Variants in KRIT1 observed in about 807,000 individuals in gnomAD.
KRIT1 encodes KRIT1 ankyrin repeat containing.
Under a neutral mutation model 95.8 loss-of-function variants are expected in KRIT1, and 45 were observed. That is an observed-to-expected ratio of 0.47 (90% CI 0.37 to 0.60). The LOEUF (loss-of-function observed/expected upper bound fraction) is 0.60. Among genes scored for constraint, KRIT1 ranks in the 20% least tolerant of loss-of-function variants. The pLI is 0.00. For synonymous variants in KRIT1, 282 were observed against 278.8 expected, an observed-to-expected ratio of 1.01 and a Z score of -0.11; for missense variants, 788 against 877.5, an observed-to-expected ratio of 0.90 and a Z score of 1.29.
At chr7:92,245,918 A>G (rs966529097), upstream of KRIT1, 29 of 232,048 alleles carry the variant, frequency 1.2e-4, no homozygotes, top group Non-Finnish European at 1.7e-4. Context: ...TGGCTATGAA[A>G]TCGCTTCCGG....
chr7:92,226,695 A>C lies in KRIT1; in HGVS notation c.990-13T>G, dbSNP rs1563279452. ...AACTTTTCCATACCTGTATAAAAAA[A>C]CAAACAAACAAAAAACAACAACAAA... is the stretch of plus-strand genomic sequence containing the variant. On this transcript the variant is annotated splice_polypyrimidine_tract_variant and intron_variant, in intron 10 of 18. Transcript: ENST00000394505. 15 of 1,610,962 alleles carry C rather than the reference A, an allele frequency of 9.3e-6. No homozygotes were observed. Among genetic ancestry groups the C allele is most frequent in the Non-Finnish European group, 1.3e-5 (15 of 1,178,370 alleles).
Position 92,234,889 on chromosome 7 carries a change from A to G in KRIT1, c.764T>C (p.Leu255Pro). 2 of 1,596,868 alleles carry G rather than the reference A, an allele frequency of 1.3e-6. No homozygotes were observed. Among genetic ancestry groups the G allele is most frequent in the Non-Finnish European group, 1.7e-6 (2 of 1,164,318 alleles). The change falls in exon 9 of 19, where the codon CTA (leucine) becomes CCA (proline). Residue 255 changes from leucine to proline, a missense_variant. Leu to Pro is a moderately conservative substitution (Grantham distance 98, BLOSUM62 -3). This residue lies in a region of KRIT1 where 493 missense variants were observed against 582.3 expected (regional missense o/e 0.85). Coordinates refer to ENST00000394505, the MANE Select transcript of KRIT1 (RefSeq NM_194454.3). ...DKVVINPYFGLGAPDYSKIQI... is the reference protein window; with the variant it reads ...DKVVINPYFGPGAPDYSKIQI... ...GATTTTTGAGTAGTCTGGAGCTCCTAGACCAAAGTATGGATTTATTACCAC... is the reference window on the plus strand; with the variant it reads ...GATTTTTGAGTAGTCTGGAGCTCCTGGACCAAAGTATGGATTTATTACCAC...
intron 6 of KRIT1, among the ~76,000 whole-genome samples, chr7:92,236,953 T>A (rs894018797): frequency 1.3e-5 from 2 of 152,190 alleles, no homozygotes; most frequent in Non-Finnish European, 2.9e-5. Flanking sequence ...GTGATTAATA[T>A]AGTATATCAT....
rs1798980573 is a variant in KRIT1, at chr7:92,238,891, T to C, written c.263-1132A>G. Among the ~76,000 whole-genome samples the C allele has an allele frequency of 2.6e-5, 4 of 152,262 alleles. No homozygotes were observed. The South Asian group carries it at 8.3e-4, about 32-fold the overall frequency. ...AATCACTACCTATCGACAGGACCAA[T>C]TTAAGAGTTTCATGTATAAGTGTGA... is the stretch of plus-strand genomic sequence containing the variant. On this transcript the variant is annotated intron_variant, in intron 5 of 18. Transcript: ENST00000394505.
In KRIT1 at chr7:92,213,386, C is replaced by T; in HGVS notation, c.1834G>A (p.Glu612Lys). ...LHEYKNLSTS[E>K]GVSKEMHHLQ... Reference sequence around the variant, plus strand: ...TGATGCATTTCTTTACTGACACCTTCACTTGTACTGAGATTCTAAAAACAA... The same window carrying T: ...TGATGCATTTCTTTACTGACACCTTTACTTGTACTGAGATTCTAAAAACAA... The change falls in exon 17 of 19, where the codon GAA becomes AAA. Residue 612 changes from glutamate to lysine, a missense_variant. By Grantham distance (56) the Glu-to-Lys change is moderately conservative. Transcript: ENST00000394505. 2 of 1,608,648 alleles carry T rather than the reference C, an allele frequency of 1.2e-6. No individual in the cohort carries two copies. The highest frequency in any genetic ancestry group is 2.7e-5 in the African/African-American group (2 of 74,894).
chr7:92,244,623 T>C (rs1220657277), intron 2 of KRIT1, among the ~76,000 whole-genome samples: 3 of 152,048 alleles, frequency 2.0e-5, no homozygotes, highest in African/African-American at 2.4e-5. Flanking sequence ...GTAACTAACA[T>C]AGGAAGGTAA....
intron 10 of KRIT1, among the ~76,000 whole-genome samples, chr7:92,230,160 T>C (rs1403966389): frequency 6.6e-6 from 1 of 152,152 alleles, no homozygotes; most frequent in Non-Finnish European, 1.5e-5. Flanking sequence ...AATATAATCA[T>C]AGAAATTTAT....
Position 92,236,425 on chromosome 7 carries a change from A to G in KRIT1, c.473T>C (p.Ile158Thr). The G allele has an allele frequency of 6.2e-7, 1 of 1,600,128 alleles. No individual in the cohort carries two copies. ...HFATLTARML[I>T]ALDKWLDERH... is the part of the protein sequence containing the mutation. ...CGGCATTTCTTACTTATCCAAGGCT[A>G]TTAACATCCTTGCTGTAAGTGTAGC... is the stretch of plus-strand genomic sequence containing the variant. The change falls in exon 7 of 19, where the codon ATA becomes ACA. Residue 158 changes from isoleucine to threonine, a missense_variant. By Grantham distance (89) the Ile-to-Thr change is moderately conservative. This residue lies in a region of KRIT1 where 289 missense variants were observed against 277.5 expected (regional missense o/e 1.04). Transcript: ENST00000394505.
intron 10 of KRIT1, among the ~76,000 whole-genome samples, chr7:92,233,700 T>C (rs1797816477): frequency 6.6e-6 from 1 of 152,084 alleles, no homozygotes; most frequent in South Asian, 2.1e-4. Flanking sequence ...CCACTGCACC[T>C]GGCCGGTACC....
intron 12 of KRIT1, among the ~76,000 whole-genome samples, chr7:92,223,394 G>C (rs1795560593): frequency 6.8e-6 from 1 of 147,072 alleles, no homozygotes; most frequent in Non-Finnish European, 1.5e-5. Flanking sequence ...AGTGAGCTGA[G>C]ATTGCGCGAC....
rs754979248 is a variant in KRIT1 at position 92,241,104 on chromosome 7, T to A, written c.151A>T (p.Lys51Ter). The stretch of plus-strand genomic sequence containing the variant: ...TGAAGTTTCGTTTCCAATAAAACTT[T>A]CTTTCTCTTTTTTTTCTGTCCTTCA... ...PIEGQKKKRKKVLLETKLQGN... is the reference protein window; with the variant it reads ...PIEGQKKKRK Residue 51 changes from lysine (K) to a stop codon, truncating the protein, a stop_gained, in exon 5 of 19, where the codon AAA (lysine) becomes TAA (stop). Transcript: ENST00000394505. LOFTEE classifies it high-confidence loss of function. 1.9e-6 allele frequency: 3 copies of A among 1,611,264 alleles called. No individual in the cohort carries two copies. Among genetic ancestry groups the A allele is most frequent in the East Asian group, 4.5e-5 (2 of 44,852 alleles).
intron 10 of KRIT1, among the ~76,000 whole-genome samples, chr7:92,230,981 C>T (rs1052678251): frequency 1.3e-5 from 2 of 152,116 alleles, no homozygotes; most frequent in East Asian, 3.8e-4. Flanking sequence ...TACAGTGAAG[C>T]TCCAAGTGAA....
chr7:92,231,829 T>C (rs1408295907), intron 10 of KRIT1, among the ~76,000 whole-genome samples: 3 of 152,228 alleles, frequency 2.0e-5, no homozygotes, highest in South Asian at 2.1e-4. Flanking sequence ...TAAAACTCTT[T>C]TCCTTGGCAT....
chr7:92,231,903 C>G (rs537098879), intron 10 of KRIT1, among the ~76,000 whole-genome samples: 88 of 152,192 alleles, frequency 5.8e-4, no homozygotes, highest in African/African-American at 2.0e-3. Flanking sequence ...ATTCAGACAT[C>G]AAAATCTTTA....
At chr7:92,225,033 C>T (rs866239703) in intron 12 of KRIT1, among the ~76,000 whole-genome samples, 8 of 151,640 alleles carry the variant, frequency 5.3e-5, no homozygotes, top group Admixed American at 5.3e-4. Flanking sequence ...GGCAGGCGCA[C>T]GTAATCCCAG....
At chr7:92,208,564 T>C (rs1221591355) in intron 17 of KRIT1, among the ~76,000 whole-genome samples, 1 of 152,056 alleles carries the variant, frequency 6.6e-6, no homozygotes, top group Non-Finnish European at 1.5e-5. Context: ...AAAGACTCCT[T>C]AGAGACTATT....
intron 8 of KRIT1, 114 bp from the exon 9 acceptor site, chr7:92,235,037 T>C (rs1182219784): frequency 2.9e-6 from 2 of 683,008 alleles, no homozygotes; most frequent in Admixed American, 2.1e-5. Flanking sequence ...TCTTGCTCTG[T>C]TGCCCAGGCT....
chr7:92,238,558 T>C (rs1033894748), intron 5 of KRIT1, among the ~76,000 whole-genome samples: 5 of 152,212 alleles, frequency 3.3e-5, no homozygotes, highest in Non-Finnish European at 7.3e-5. Flanking sequence ...AATGAACACT[T>C]GTACAAAATA....
At chr7:92,221,811 T>C in intron 14 of KRIT1, 91 bp downstream of exon 14, 2 of 1,054,590 alleles carry the variant, frequency 1.9e-6, no homozygotes, top group Non-Finnish European at 1.4e-6. Flanking sequence ...GATTTAAGGA[T>C]GTAAGCACAA....
Sources: gnomAD v4.1 joint callset for allele counts (sites outside exome capture counted in the v4.1 genomes callset) on GRCh38, gnomAD v4.1.1 for gene constraint, gnomAD v4.1.1 regional missense constraint, MANE v1.5 for transcripts, NCBI Gene and HGNC (gene_info 2026-07-23, HGNC 2026-07-21) for gene names.